The following MS4A7 variants were observed in gnomAD, a reference collection of about 807,000 sequenced individuals.
The protein encoded by MS4A7 is membrane spanning 4-domains A7.
MS4A7 carries 21 observed loss-of-function variants against 23.5 expected under a neutral mutation model. The observed-to-expected ratio is 0.89, with a 90% CI of 0.63 to 1.29. MS4A7 has a LOEUF of 1.29. MS4A7 is among the 50% of genes most tolerant of loss of function. The probability of loss-of-function intolerance (pLI) is 0.00; values close to 1 mark genes in which losing one functional copy is unlikely to be tolerated. For missense variants in MS4A7, 263 were observed against 274.2 expected (o/e 0.96, Z 0.29); for synonymous variants, 111 against 107.4 (o/e 1.03, Z -0.21).
intron 1 of MS4A7, among the ~76,000 whole-genome samples, chr11:60,378,885 T>A (rs569701188): frequency 8.5e-5 from 13 of 152,388 alleles, no homozygotes; most frequent in Non-Finnish European, 1.9e-4. Flanking sequence ...TTTTCCTCAA[T>A]GTTCTGCATT....
intron 3 of MS4A7, among the ~76,000 whole-genome samples, chr11:60,386,229 C>T (rs2085485465): frequency 6.6e-6 from 1 of 152,210 alleles, no homozygotes; most frequent in Non-Finnish European, 1.5e-5. Flanking sequence ...ACGTCTGAGC[C>T]TGCTCTTCCC....
In MS4A7 at chr11:60,394,433, TG is replaced by T. The variant is rs2085588608; in HGVS notation, c.*573del. On this transcript the variant is annotated 3_prime_UTR_variant, in exon 7 of 7. Coordinates refer to ENST00000300184, the MANE Select transcript of MS4A7 (RefSeq NM_021201.5). ...ACAGCAAGCATGTCCCTGCCTCCCA[TG>T]AATCTTACCATGTAAATCCAAATCT... 6.6e-6 allele frequency: 1 copy of T among 152,590 alleles called. No individual in the cohort carries two copies. The highest frequency in any genetic ancestry group is 6.5e-5 in the Admixed American group (1 of 15,278). 9.5% of individuals were successfully genotyped at this position (152,590 alleles called of 1,614,324 possible). A position where few individuals can be genotyped will look rare whatever the true frequency, so the allele number is the denominator to read the frequency against.
At chr11:60,382,571 C>T (rs142912686) in intron 1 of MS4A7, among the ~76,000 whole-genome samples, 8 of 152,290 alleles carry the variant, frequency 5.3e-5, no homozygotes, top group East Asian at 1.9e-4. Context: ...TTACTAATTA[C>T]GAAGCCAATA....
intron 4 of MS4A7, 45 bp from the exon 5 acceptor site, chr11:60,389,345 G>C: frequency 6.6e-7 from 1 of 1,503,866 alleles, no homozygotes. Context: ...ATAGTGTCAC[G>C]TGCTGATTCT....
At chr11:60,392,850 C>A in intron 6 of MS4A7, 64 bp downstream of exon 6, 1 of 1,204,084 alleles carries the variant, frequency 8.3e-7, no homozygotes, top group South Asian at 1.3e-5. Flanking sequence ...AATAATCCAA[C>A]CTCAAAAAGT....
At position 60,379,779 on chromosome 11, in the gene MS4A7, C is replaced by T. The variant is rs532157358; in HGVS notation, c.-14+1115C>T. 4.6e-5 allele frequency among the ~76,000 whole-genome samples: 7 copies of T among 152,276 alleles called. No homozygotes were observed. In the South Asian group the frequency reaches 1.5e-3, roughly 32 times the overall value. ...TGAATTCCTGACCTCAGGTGATCTGCCCGCCTCGGCCTCCCAAAGTGCTAG... is the reference window on the plus strand; with the variant it reads ...TGAATTCCTGACCTCAGGTGATCTGTCCGCCTCGGCCTCCCAAAGTGCTAG... On this transcript the variant is annotated intron_variant, in intron 1 of 6. Coordinates refer to ENST00000300184, the MANE Select transcript of MS4A7 (RefSeq NM_021201.5).
intron 6 of MS4A7, 23 bp from the exon 7 acceptor site, chr11:60,393,764 C>T (rs1171781475): frequency 6.4e-7 from 1 of 1,574,678 alleles, no homozygotes; most frequent in Non-Finnish European, 8.7e-7. Flanking sequence ...TTTAAAAATT[C>T]TAACCAATTA....
chr11:60,388,321 C>G (rs1226145558), intron 4 of MS4A7, among the ~76,000 whole-genome samples: 4 of 152,092 alleles, frequency 2.6e-5, no homozygotes, highest in African/African-American at 9.7e-5. Context: ...TAACTGAAGC[C>G]CAGAGTAAGA....
chr11:60,392,773 C>T lies in MS4A7; in HGVS notation c.635C>T (p.Ser212Phe), dbSNP rs760447870. The change falls in exon 6 of 7, where the codon TCC becomes TTC. Residue 212 changes from serine to phenylalanine, a missense_variant. Transcript: ENST00000300184. ...GTCTTTTGGTGGAAACAGCTCTACT[C>T]CAACAACCCTGGGGTGAGTATGCTG... ...SSVFWWKQLYSNNPGSSFSST... is the reference protein window; with the variant it reads ...SSVFWWKQLYFNNPGSSFSST... 2.5e-6 allele frequency: 4 copies of T among 1,613,010 alleles called. No individual in the cohort carries two copies. In the Admixed American group the frequency reaches 6.7e-5, roughly 27 times the overall value.
intron 5 of MS4A7, chr11:60,390,056 G>A (rs1257716807): frequency 9.8e-6 from 2 of 203,218 alleles, no homozygotes; most frequent in African/African-American, 4.7e-5. Flanking sequence ...AGTGAATTGA[G>A]GACTAGCAGA....
At chr11:60,383,464 A>G in intron 2 of MS4A7, 176 bp downstream of exon 2, 1 of 498,230 alleles carries the variant, frequency 2.0e-6, no homozygotes, top group East Asian at 3.4e-5. Flanking sequence ...AGCAGTTTCT[A>G]GAAACTAAAA....
At position 60,393,866 on chromosome 11, in the gene MS4A7, C is replaced by A. The variant is rs371062819; in HGVS notation, c.*5C>A. ...TCTTCACGGTCTTGGATATAAGTAA[C>A]TCTTGGCCTCAGAGGAAGGAAAAGC... On this transcript the variant is annotated 3_prime_UTR_variant, in exon 7 of 7. Coordinates refer to ENST00000300184, the MANE Select transcript of MS4A7 (RefSeq NM_021201.5). 1.9e-6 allele frequency: 3 copies of A among 1,596,182 alleles called. No homozygotes were observed. The Admixed American group carries it at 5.3e-5, about 28-fold the overall frequency.
intron 4 of MS4A7, among the ~76,000 whole-genome samples, chr11:60,388,693 C>G (rs1276696921): frequency 6.6e-6 from 1 of 152,182 alleles, no homozygotes; most frequent in African/African-American, 2.4e-5. Flanking sequence ...CTTTCTCCCT[C>G]CAAGGTTTGT....
chr11:60,378,672 C>A lies in MS4A7; in HGVS notation c.-14+8C>A, dbSNP rs563408274. The A allele has an allele frequency of 6.6e-6, 1 of 152,314 alleles. No individual in the cohort carries two copies. Among genetic ancestry groups the A allele is most frequent in the South Asian group, 2.1e-4 (1 of 4,818 alleles). The allele number at this position is 152,314 out of a possible 1,614,324, so 9.4% of individuals were successfully genotyped here. A position where few individuals can be genotyped will look rare whatever the true frequency, so the allele number is the denominator to read the frequency against. ...ACCAGGCTGCGAGAACAGGTAGACACCTTGGTTTAGATCATGACTTTTGGG... is the reference window on the plus strand; with the variant it reads ...ACCAGGCTGCGAGAACAGGTAGACAACTTGGTTTAGATCATGACTTTTGGG... On this transcript the variant is annotated splice_region_variant and intron_variant, in intron 1 of 6. Transcript: ENST00000300184.
intron 1 of MS4A7, among the ~76,000 whole-genome samples, chr11:60,379,498 C>G (rs576871889): frequency 2.0e-5 from 3 of 151,950 alleles, no homozygotes; most frequent in South Asian, 2.1e-4. Flanking sequence ...ATAATTGTAG[C>G]CTTTTAACCA....
chr11:60,383,871 A>C (rs923811108), intron 2 of MS4A7, among the ~76,000 whole-genome samples: 9 of 152,226 alleles, frequency 5.9e-5, no homozygotes, highest in Non-Finnish European at 4.4e-5. Context: ...TCATTAGTAC[A>C]GTAAAAATTT....
chr11:60,389,981 C>A (rs2085534002), intron 5 of MS4A7: 1 of 248,384 alleles, frequency 4.0e-6, no homozygotes, highest in South Asian at 5.1e-5. Flanking sequence ...ATTTGGGATT[C>A]TTTTGGGTTC....
chr11:60,385,250 G>T (rs2085473453), intron 3 of MS4A7, 28 bp downstream of exon 3: 1 of 1,613,004 alleles, frequency 6.2e-7, no homozygotes, highest in South Asian at 1.1e-5. Context: ...TCTAAGAGGG[G>T]ACATGCTTTA....
Position 60,393,951 on chromosome 11 carries a change from A to C in MS4A7, c.*90A>C. ...TCCTGAAATCTCTGCCATTTTAGAT[A>C]CTGTGAAACAAACTAAAAAAAAAAA... On this transcript the variant is annotated 3_prime_UTR_variant, in exon 7 of 7. Coordinates refer to ENST00000300184, the MANE Select transcript of MS4A7 (RefSeq NM_021201.5). 1.4e-6 allele frequency: 1 copy of C among 739,572 alleles called. No homozygotes were observed. The highest frequency in any genetic ancestry group is 2.1e-6 in the Non-Finnish European group (1 of 468,838). 45.8% of individuals were successfully genotyped at this position (739,572 alleles called of 1,614,324 possible).
Sources: gnomAD v4.1 joint callset for allele counts (sites outside exome capture counted in the v4.1 genomes callset) on GRCh38, gnomAD v4.1.1 for gene constraint, MANE v1.5 for transcripts, NCBI Gene and HGNC (gene_info 2026-07-23, HGNC 2026-07-21) for gene names.